Variants in GEMIN5 observed in about 807,000 individuals in gnomAD.
GEMIN5 encodes gem nuclear organelle associated protein 5.
GEMIN5 carries 124 observed loss-of-function variants against 176.9 expected under a neutral mutation model. The observed-to-expected ratio is 0.70, with a 90% CI of 0.61 to 0.81. The LOEUF (loss-of-function observed/expected upper bound fraction) is 0.81, where lower values mean the gene tolerates loss of function less well. GEMIN5 is among the 40% of genes least tolerant of loss of function. The pLI is 0.00. For missense variants in GEMIN5, 1,843 were observed against 1,814.6 expected (o/e 1.02, Z -0.28); for synonymous variants, 673 against 665.2 (o/e 1.01, Z -0.18).
rs1474692378 is a variant in GEMIN5, at chr5:154,924,388, G to A, written c.1379+81C>T. ...AAAAGGCAACGTTATGAAAAGGAAAGTGAGGGATTATTCTAGAGCAGGGGT... is the reference window on the plus strand; with the variant it reads ...AAAAGGCAACGTTATGAAAAGGAAAATGAGGGATTATTCTAGAGCAGGGGT... On this transcript the variant is annotated intron_variant, in intron 9 of 27. Transcript: ENST00000285873. The A allele has an allele frequency of 3.9e-6, 3 of 764,392 alleles. No homozygotes were observed. The East Asian group carries it at 7.6e-5, about 19-fold the overall frequency. The allele number at this position is 764,392 out of a possible 1,614,324, so 47.4% of individuals were successfully genotyped here.
In GEMIN5 at chr5:154,936,033, A is replaced by G; in HGVS notation, c.328-11T>C. On this transcript the variant is annotated splice_polypyrimidine_tract_variant and intron_variant, in intron 2 of 27. Coordinates refer to ENST00000285873, the MANE Select transcript of GEMIN5 (RefSeq NM_015465.5). Reference sequence around the variant, plus strand: ...TGTTGATATCGTATGCTTTAAAACAAAACAAAAATTTGTTATTGTCAATGC... The same window carrying G: ...TGTTGATATCGTATGCTTTAAAACAGAACAAAAATTTGTTATTGTCAATGC... 1 of 1,547,510 alleles carries G rather than the reference A, an allele frequency of 6.5e-7. No homozygotes were observed. The highest frequency in any genetic ancestry group is 1.7e-4 in the Middle Eastern group (1 of 5,760).
At chr5:154,925,401 T>C (rs1204569468) in intron 8 of GEMIN5, among the ~76,000 whole-genome samples, 2 of 152,154 alleles carry the variant, frequency 1.3e-5, no homozygotes, top group Non-Finnish European at 2.9e-5. Flanking sequence ...TTAGATTCAA[T>C]AGCCAAAAGA....
rs138453329 is a variant in GEMIN5 at position 154,935,508 on chromosome 5, A to G, written c.509+333T>C. Among the ~76,000 whole-genome samples the G allele has an allele frequency of 2.0e-5, 3 of 152,332 alleles. No individual in the cohort carries two copies. In the East Asian group the frequency reaches 5.8e-4, roughly 29 times the overall value. The stretch of plus-strand genomic sequence containing the variant: ...GCTCAGAACTAGAGAGACCCAGCAA[A>G]GTCATCTGACACCTGGGAGTTCATG... On this transcript the variant is annotated intron_variant, in intron 3 of 27. Transcript: ENST00000285873.
chr5:154,935,260 C>T (rs970708672), intron 3 of GEMIN5, among the ~76,000 whole-genome samples: 1 of 152,204 alleles, frequency 6.6e-6, no homozygotes, highest in Non-Finnish European at 1.5e-5. Flanking sequence ...ATTGCCTTAG[C>T]CCCCAGTCTT....
rs1763218266 is a variant in GEMIN5, at chr5:154,891,238, T to C, written c.4262+3A>G. On this transcript the variant is annotated splice_donor_region_variant and intron_variant, in intron 26 of 27. Coordinates refer to ENST00000285873, the MANE Select transcript of GEMIN5 (RefSeq NM_015465.5). ...TCCGTCTTGTACTTGCCTCAGTACT[T>C]ACCACTGGCTCTGAGAACTGCAGAG... 1 of 1,611,814 alleles carries C rather than the reference T, an allele frequency of 6.2e-7. No homozygotes were observed. The highest frequency in any genetic ancestry group is 8.5e-7 in the Non-Finnish European group (1 of 1,178,542).
intron 1 of GEMIN5, 46 bp from the exon 2 acceptor site, chr5:154,937,231 G>A (rs1380245650): frequency 2.0e-6 from 3 of 1,492,334 alleles, no homozygotes; most frequent in Non-Finnish European, 2.7e-6. Flanking sequence ...GCTATCCAAG[G>A]TTCCTGGCAG....
In GEMIN5 at chr5:154,938,172, C is replaced by A; in HGVS notation, c.-39G>T. On this transcript the variant is annotated 5_prime_UTR_variant, in exon 1 of 28. Coordinates refer to ENST00000285873, the MANE Select transcript of GEMIN5 (RefSeq NM_015465.5). ...CAGAGACAAGAGAAGCTGCCACAGC[C>A]GACCGCTCGTAGCCTCACGCCTTAG... is the stretch of plus-strand genomic sequence containing the variant. 7.5e-7 allele frequency: 1 copy of A among 1,332,400 alleles called. No homozygotes were observed. Among genetic ancestry groups the A allele is most frequent in the Non-Finnish European group, 9.7e-7 (1 of 1,033,528 alleles). 82.5% of individuals were successfully genotyped at this position (1,332,400 alleles called of 1,614,324 possible).
intron 13 of GEMIN5, among the ~76,000 whole-genome samples, chr5:154,914,221 A>G (rs1326190801): frequency 6.6e-6 from 1 of 152,174 alleles, no homozygotes; most frequent in African/African-American, 2.4e-5. Flanking sequence ...GGGTTTCACC[A>G]TGTTGGCCAG....
At chr5:154,896,003 T>A in intron 24 of GEMIN5, 89 bp downstream of exon 24, 1 of 1,469,828 alleles carries the variant, frequency 6.8e-7, no homozygotes, top group Non-Finnish European at 9.4e-7. Context: ...CAGTCCAGTA[T>A]TCTGCTTGTT....
chr5:154,913,304 T>A (rs1456942788), intron 13 of GEMIN5, among the ~76,000 whole-genome samples: 2 of 152,180 alleles, frequency 1.3e-5, no homozygotes, highest in Non-Finnish European at 2.9e-5. Flanking sequence ...TCTAGGTGAT[T>A]TTTAGCAGGC....
At position 154,935,898 on chromosome 5, in the gene GEMIN5, G is replaced by C. The variant is rs1265286261; in HGVS notation, c.452C>G (p.Pro151Arg). Residue 151 changes from proline (P) to arginine (R), a missense_variant, in exon 3 of 28, where the codon CCC (proline) becomes CGC (arginine). Pro to Arg is a moderately radical substitution (Grantham distance 103). Coordinates refer to ENST00000285873, the MANE Select transcript of GEMIN5 (RefSeq NM_015465.5). ...RNDSQHLFIE[P>R]RTIFCLTCSP... ...ACAAGTAAGACAGAAAATTGTCCTG[G>C]GTTCTATAAAGAGGTGCTGGCTGTC... The C allele has an allele frequency of 6.2e-7, 1 of 1,613,770 alleles. No individual in the cohort carries two copies. The highest frequency in any genetic ancestry group is 1.7e-5 in the Admixed American group (1 of 60,004).
chr5:154,907,839 G>C, intron 15 of GEMIN5, 21 bp from the exon 16 acceptor site: 3 of 1,561,058 alleles, frequency 1.9e-6, no homozygotes, highest in Non-Finnish European at 2.6e-6. Flanking sequence ...CACAATAAAG[G>C]ACTGACTAAA....
At chr5:154,934,353 ATTTTGTGTTT>A (rs1490285554) in intron 3 of GEMIN5, among the ~76,000 whole-genome samples, 1 of 151,942 alleles carries the variant, frequency 6.6e-6, no homozygotes, top group East Asian at 1.9e-4. Context: ...TGCCTGGCTA[ATTTTGTGTTT>A]TTAATAGAGA....
intron 18 of GEMIN5, among the ~76,000 whole-genome samples, chr5:154,903,455 A>ACAAGGGGATTCAATATTCATC (rs1399408348): frequency 6.6e-6 from 1 of 152,244 alleles, no homozygotes; most frequent in Non-Finnish European, 1.5e-5. Flanking sequence ...GGGACTTACC[A>ACAAGGGGATTCAATATTCATC]CAAGGGGATT....
At chr5:154,923,617 T>G (rs1344720613) in intron 9 of GEMIN5, among the ~76,000 whole-genome samples, 2 of 152,238 alleles carry the variant, frequency 1.3e-5, no homozygotes, top group Non-Finnish European at 2.9e-5. Flanking sequence ...AAATCTGAAT[T>G]TTATTTAATC....
At chr5:154,918,785 T>C (rs746919816) in intron 11 of GEMIN5, among the ~76,000 whole-genome samples, 1 of 152,206 alleles carries the variant, frequency 6.6e-6, no homozygotes, top group Non-Finnish European at 1.5e-5. Flanking sequence ...GGCTCATGCC[T>C]ATAATCAGTA....
At chr5:154,905,807 C>T (rs1201458677) in intron 16 of GEMIN5, among the ~76,000 whole-genome samples, 1 of 150,740 alleles carries the variant, frequency 6.6e-6, no homozygotes, top group Non-Finnish European at 1.5e-5. Flanking sequence ...CCAAGCAATT[C>T]TCCTGCCTGA....
intron 25 of GEMIN5, 80 bp downstream of exon 25, chr5:154,892,307 G>C (rs927523297): frequency 1.8e-6 from 2 of 1,123,408 alleles, no homozygotes; most frequent in Admixed American, 2.2e-5. Context: ...TAAGAATCTA[G>C]GTACTCCCAG....
intron 6 of GEMIN5, 26 bp from the exon 7 acceptor site, chr5:154,927,576 G>A (rs774354794): frequency 6.5e-7 from 1 of 1,540,946 alleles, no homozygotes; most frequent in African/African-American, 1.4e-5. Flanking sequence ...ATAAGCATTA[G>A]TTCTTTTACA....
Sources: allele counts gnomAD v4.1 joint callset (sites outside exome capture counted in the v4.1 genomes callset), GRCh38; gene constraint gnomAD v4.1.1; transcripts MANE v1.5; gene names NCBI Gene and HGNC (gene_info 2026-07-23, HGNC 2026-07-21).